The following SORCS2 variants were observed in gnomAD, a reference collection of about 807,000 sequenced individuals.
The protein encoded by SORCS2 is sortilin related VPS10 domain containing receptor 2.
In SORCS2, 100 loss-of-function variants were observed where a neutral mutation model predicts 141.6. The observed-to-expected ratio is 0.71, with a 90% CI of 0.60 to 0.83. SORCS2 has a LOEUF of 0.83. SORCS2 is among the 40% of genes least tolerant of loss of function. The pLI is 0.00. For missense variants in SORCS2, 1,646 were observed against 1,560.2 expected, an observed-to-expected ratio of 1.05 and a Z score of -0.93; for synonymous variants, 789 against 676.9, an observed-to-expected ratio of 1.17 and a Z score of -2.57.
chr4:7,717,951 A>G (rs1726302526), intron 17 of SORCS2, 61 bp from the exon 18 acceptor site: 6 of 1,485,182 alleles, frequency 4.0e-6, no homozygotes, highest in Non-Finnish European at 5.4e-6. Context: ...TCCCCAGACT[A>G]TGGGGCCCCA....
intron 3 of SORCS2, among the ~76,000 whole-genome samples, chr4:7,618,976 C>T (rs1718956123): frequency 6.6e-6 from 1 of 152,070 alleles, no homozygotes; most frequent in Admixed American, 6.6e-5. Context: ...CTCGGAAGCA[C>T]CTGAAATTTC....
chr4:7,559,077 C>T (rs1015424631), intron 3 of SORCS2, among the ~76,000 whole-genome samples: 1 of 152,208 alleles, frequency 6.6e-6, no homozygotes. Flanking sequence ...GGGGATGAGT[C>T]CCCAGTACTC....
At chr4:7,304,774 C>T (rs962223265) in intron 1 of SORCS2, among the ~76,000 whole-genome samples, 1 of 151,272 alleles carries the variant, frequency 6.6e-6, no homozygotes, top group South Asian at 2.1e-4. Context: ...GGGGCCTCAG[C>T]CCTGTAGCAA....
rs1577300857 is a variant in SORCS2 at position 7,229,511 on chromosome 4, C to A, written c.480+36385C>A. ...CAGGGAGAGTCCACGCTGGAGAGCA[C>A]CCAGGCTTCCAGCACAGATCGTCTG... On this transcript the variant is annotated intron_variant, in intron 1 of 26. Transcript: ENST00000507866. Among the ~76,000 whole-genome samples the A allele has an allele frequency of 2.6e-5, 4 of 152,236 alleles. No homozygotes were observed. In the East Asian group the frequency reaches 7.7e-4, roughly 29 times the overall value.
In SORCS2 at chr4:7,741,147, G is replaced by T; in HGVS notation, c.*883G>T. 2.5e-6 allele frequency: 1 copy of T among 398,674 alleles called. No homozygotes were observed. Among genetic ancestry groups the T allele is most frequent in the East Asian group, 3.6e-5 (1 of 28,064 alleles). The allele number at this position is 398,674 out of a possible 1,614,324, so 24.7% of individuals were successfully genotyped here. ...GAAGGAGCCAGATGCCCCCAGAAAG[G>T]TGGGTGGTGGAGACGGCACCAGATG... On this transcript the variant is annotated 3_prime_UTR_variant, in exon 27 of 27. Coordinates refer to ENST00000507866, the MANE Select transcript of SORCS2 (RefSeq NM_020777.3).
intron 3 of SORCS2, among the ~76,000 whole-genome samples, chr4:7,607,807 C>G (rs1034523827): frequency 6.6e-6 from 1 of 152,092 alleles, no homozygotes; most frequent in Non-Finnish European, 1.5e-5. Flanking sequence ...GATCACATGG[C>G]CAATGAGTAG....
chr4:7,443,550 A>G (rs1032249480), intron 2 of SORCS2, among the ~76,000 whole-genome samples: 6 of 152,216 alleles, frequency 3.9e-5, no homozygotes, highest in Non-Finnish European at 5.9e-5. Flanking sequence ...ACTTCCAGCC[A>G]CAGTGGCCCC....
intron 3 of SORCS2, among the ~76,000 whole-genome samples, chr4:7,558,807 C>T (rs1399935019): frequency 1.3e-5 from 2 of 152,276 alleles, no homozygotes. Flanking sequence ...CTGTCCCTGG[C>T]CCCGCCTCAC....
intron 1 of SORCS2, among the ~76,000 whole-genome samples, chr4:7,363,085 T>TCAC (rs1327022131): frequency 1.0e-4 from 15 of 148,296 alleles, no homozygotes; most frequent in African/African-American, 3.8e-4. Flanking sequence ...ATCATCATCA[T>TCAC]CATCACCATC....
intron 17 of SORCS2, among the ~76,000 whole-genome samples, chr4:7,716,496 T>C (rs1726197468): frequency 6.6e-6 from 1 of 152,218 alleles, no homozygotes; most frequent in African/African-American, 2.4e-5. Context: ...ATCCATTCAG[T>C]TACCCATCCA....
chr4:7,704,437 A>G (rs1165197360), intron 14 of SORCS2, among the ~76,000 whole-genome samples, 153 bp downstream of exon 14: 1 of 152,200 alleles, frequency 6.6e-6, no homozygotes, highest in Non-Finnish European at 1.5e-5. Flanking sequence ...GACAGGACCG[A>G]GGCTCCAGGC....
At chr4:7,482,400 A>G (rs1280254800) in intron 2 of SORCS2, among the ~76,000 whole-genome samples, 7 of 18,812 alleles carry the variant, frequency 3.7e-4, no homozygotes, top group Non-Finnish European at 5.4e-4. Context: ...ACCCCTGGCT[A>G]CTGTTCAGAC....
At chr4:7,242,019 CT>C (rs1478772926) in intron 1 of SORCS2, among the ~76,000 whole-genome samples, 2 of 152,196 alleles carry the variant, frequency 1.3e-5, no homozygotes, top group East Asian at 3.9e-4. Context: ...TGCCGTTTGA[CT>C]GGCGAGGAAG....
intron 6 of SORCS2, among the ~76,000 whole-genome samples, chr4:7,662,068 G>A (rs1224394190): frequency 6.6e-6 from 1 of 152,154 alleles, no homozygotes; most frequent in Non-Finnish European, 1.5e-5. Flanking sequence ...CAGCCCTGCC[G>A]CTGGCCAACC....
chr4:7,426,883 T>C (rs1726479467), intron 2 of SORCS2, among the ~76,000 whole-genome samples: 1 of 152,286 alleles, frequency 6.6e-6, no homozygotes, highest in Middle Eastern at 3.4e-3. Flanking sequence ...GCTCCGGCAA[T>C]GCCCAGTTGT....
intron 1 of SORCS2, among the ~76,000 whole-genome samples, chr4:7,330,726 G>A (rs181698038): frequency 6.6e-6 from 1 of 152,038 alleles, no homozygotes; most frequent in South Asian, 2.1e-4. Flanking sequence ...TCAGAGGCAG[G>A]ATGTCTACCT....
chr4:7,535,824 A>G (rs1712077188), intron 3 of SORCS2, among the ~76,000 whole-genome samples: 1 of 151,560 alleles, frequency 6.6e-6, no homozygotes. Flanking sequence ...CATGGGGGGC[A>G]TTGCCCTGGC....
chr4:7,654,295 G>A, intron 5 of SORCS2, 88 bp downstream of exon 5: 1 of 1,376,546 alleles, frequency 7.3e-7, no homozygotes, highest in Non-Finnish European at 1.0e-6. Context: ...CATCCCTGCA[G>A]CTCCCTTTCC....
At chr4:7,607,560 A>G (rs1718142415) in intron 3 of SORCS2, among the ~76,000 whole-genome samples, 1 of 152,156 alleles carries the variant, frequency 6.6e-6, no homozygotes, top group African/African-American at 2.4e-5. Flanking sequence ...CTGAGTGTCA[A>G]TAATTAATAA....
Sources: allele counts gnomAD v4.1 joint callset (sites outside exome capture counted in the v4.1 genomes callset), GRCh38; gene constraint gnomAD v4.1.1; transcripts MANE v1.5; gene names NCBI Gene and HGNC (gene_info 2026-07-23, HGNC 2026-07-21).